WDR11: variants seen among roughly 807,000 people sequenced by gnomAD.
WDR11 encodes the protein WD repeat domain 11, also known as WD repeat-containing protein 11.
In WDR11, 83 loss-of-function variants were observed where a neutral mutation model predicts 151.2. The observed-to-expected ratio is 0.55, with a 90% CI of 0.46 to 0.66. The LOEUF (loss-of-function observed/expected upper bound fraction) is 0.66, where lower values mean the gene tolerates loss of function less well. Ranked by LOEUF, WDR11 falls within the 30% of genes least tolerant of loss-of-function variation. The probability of loss-of-function intolerance (pLI) is 0.00; values close to 1 mark genes in which losing one functional copy is unlikely to be tolerated. For synonymous variants in WDR11, 484 were observed against 533.1 expected (o/e 0.91, Z 1.27); for missense variants, 1,301 against 1,480.9 (o/e 0.88, Z 1.99).
At chr10:120,887,748 T>A (rs1847270473) in intron 16 of WDR11, among the ~76,000 whole-genome samples, 1 of 152,214 alleles carries the variant, frequency 6.6e-6, no homozygotes, top group South Asian at 2.1e-4. Flanking sequence ...CCTCACGACA[T>A]GACAACTGGC....
chr10:120,902,225 T>C, intron 21 of WDR11, 32 bp from the exon 22 acceptor site: 1 of 1,602,164 alleles, frequency 6.2e-7, no homozygotes, highest in South Asian at 1.1e-5. Flanking sequence ...TTGAAAACTT[T>C]TGTCTCACTT....
intron 11 of WDR11, among the ~76,000 whole-genome samples, chr10:120,874,183 T>TTTTTG (rs1846652980): frequency 1.6e-5 from 1 of 61,162 alleles, no homozygotes; most frequent in African/African-American, 5.1e-5. Context: ...GCAGTTTTTT[T>TTTTTG]TTTTTTTTTG....
At chr10:120,862,989 T>C (rs1489560918) in intron 5 of WDR11, 68 bp downstream of exon 5, 1 of 1,028,094 alleles carries the variant, frequency 9.7e-7, no homozygotes, top group African/African-American at 1.6e-5. Flanking sequence ...TTTGGAGATG[T>C]ACAAAGACTG....
Position 120,871,211 on chromosome 10 carries a change from A to G in WDR11, c.1336A>G (p.Ile446Val), listed in dbSNP as rs144853794. ...IAGEEHPRGS[I>V]LREVHLKFLL... ...TGGGGAAGAACATCCCAGAGGTTCA[A>G]TTCTGCGGGAAGTGCACCTCAAGTT... The change falls in exon 10 of 29, where the codon ATT (isoleucine) becomes GTT (valine). Residue 446 changes from isoleucine (I) to valine (V), a missense_variant. Around this residue, in one of 3 missense-constraint regions of WDR11, gnomAD observed 692 missense variants for 762.5 expected, o/e 0.91. Transcript: ENST00000263461. The G allele has an allele frequency of 1.9e-6, 3 of 1,614,082 alleles. No homozygotes were observed. The African/African-American group carries it at 4.0e-5, about 22-fold the overall frequency.
At position 120,895,796 on chromosome 10, in the gene WDR11, T is replaced by C. The variant is rs572815953; in HGVS notation, c.2516-4233T>C. On this transcript the variant is annotated intron_variant, in intron 19 of 28. Coordinates refer to ENST00000263461, the MANE Select transcript of WDR11 (RefSeq NM_018117.12). ...AGAGAAAAATACAAATTAAAATTGT[T>C]TCTTACCTATCAGATTCAAAAGCTT... is the stretch of plus-strand genomic sequence containing the variant. Among the ~76,000 whole-genome samples, 21 of 152,274 alleles carry C rather than the reference T, an allele frequency of 1.4e-4. No homozygotes were observed. In the East Asian group the frequency reaches 3.9e-3, roughly 28 times the overall value.
rs199547310 is a variant in WDR11 at position 120,889,932 on chromosome 10, C to T, written c.2266C>T (p.Arg756Cys). The T allele has an allele frequency of 7.4e-6, 12 of 1,614,016 alleles. No individual in the cohort carries two copies. Among genetic ancestry groups the T allele is most frequent in the East Asian group, 2.2e-5 (1 of 44,874 alleles). ...ACACCGAAGTTGGGTGAGGAAGATT[C>T]GTTTTGCTCCTGGTAAAGGAAATCA... ...PTHRSWVRKI[R>C]FAPGKGNQKL... Residue 756 changes from arginine to cysteine, a missense_variant, in exon 18 of 29, where the codon CGT becomes TGT. Coordinates refer to ENST00000263461, the MANE Select transcript of WDR11 (RefSeq NM_018117.12).
Position 120,909,242 on chromosome 10 carries a change from T to G in WDR11, c.*529T>G, listed in dbSNP as rs546454383. ...ACCTTGAAAACACAGAACCGTTAAT[T>G]CCTTGGTTTAAGCAGTTGCTAAGTT... is the stretch of plus-strand genomic sequence containing the variant. On this transcript the variant is annotated 3_prime_UTR_variant, in exon 29 of 29. Coordinates refer to ENST00000263461, the MANE Select transcript of WDR11 (RefSeq NM_018117.12). The G allele has an allele frequency of 4.4e-4, 69 of 158,558 alleles. No individual in the cohort carries two copies. Among genetic ancestry groups the G allele is most frequent in the Admixed American group, 1.6e-3 (26 of 16,552 alleles). 9.8% of individuals were successfully genotyped at this position (158,558 alleles called of 1,614,324 possible).
intron 9 of WDR11, among the ~76,000 whole-genome samples, chr10:120,870,368 A>G (rs1157954945): frequency 6.6e-6 from 1 of 152,160 alleles, no homozygotes; most frequent in Non-Finnish European, 1.5e-5. Context: ...ATTTTTGGCA[A>G]GTTAATCCCA....
At position 120,892,299 on chromosome 10, in the gene WDR11, A is replaced by AT. The variant is rs577023743; in HGVS notation, c.2515+1421dup. On this transcript the variant is annotated intron_variant, in intron 19 of 28. Coordinates refer to ENST00000263461, the MANE Select transcript of WDR11 (RefSeq NM_018117.12). ...ACATGTTTCTTTTAAAATTTTTCTG[A>AT]TTTTTTTTTATATTCTTTTCAATCT... Among the ~76,000 whole-genome samples, 548 of 151,694 alleles carry AT rather than the reference A, an allele frequency of 3.6e-3. 6 individuals carry two copies. Among genetic ancestry groups the AT allele is most frequent in the Non-Finnish European group, 5.9e-3 (398 of 67,826 alleles).
chr10:120,890,688 G>A (rs753032997), intron 18 of WDR11, 28 bp from the exon 19 acceptor site: 1 of 1,614,020 alleles, frequency 6.2e-7, no homozygotes, highest in East Asian at 2.2e-5. Flanking sequence ...TTTCTGTCTG[G>A]AAGTGATGCC....
intron 5 of WDR11, among the ~76,000 whole-genome samples, chr10:120,863,530 C>A (rs1030984770): frequency 3.3e-5 from 5 of 152,146 alleles, no homozygotes; most frequent in African/African-American, 1.2e-4. Context: ...GTCATTGATA[C>A]ATAGTAATTT....
In WDR11 at chr10:120,852,260, A is replaced by T. The variant is rs7917351; in HGVS notation, c.87-264A>T. 103,021 of 423,394 alleles carry T rather than the reference A, an allele frequency of 0.24. 13,923 individuals carry two copies. Among genetic ancestry groups the T allele is most frequent in the African/African-American group, 0.4 (20,012 of 49,500 alleles). The allele number at this position is 423,394 out of a possible 1,614,324, so 26.2% of individuals were successfully genotyped here. A position where few individuals can be genotyped will look rare whatever the true frequency, so the allele number is the denominator to read the frequency against. ...CCTACAAGAACAGTCAGAGGGCACA[A>T]GTTCCTTTTTATGTCCTCGGGTCTC... On this transcript the variant is annotated intron_variant, in intron 1 of 28. Transcript: ENST00000263461.
At chr10:120,907,813 T>TTG (rs1296186925) in intron 28 of WDR11, 1 of 151,346 alleles carries the variant, frequency 6.6e-6, no homozygotes, top group African/African-American at 2.4e-5. Flanking sequence ...CCTGGCTTTT[T>TTG]TTTTTTTTTG....
intron 19 of WDR11, among the ~76,000 whole-genome samples, chr10:120,895,879 C>T (rs144896608): frequency 6.6e-5 from 10 of 152,288 alleles, no homozygotes; most frequent in African/African-American, 2.2e-4. Context: ...CCATTGCTAA[C>T]AGTAAGATCC....
chr10:120,889,306 C>G, intron 17 of WDR11, 122 bp downstream of exon 17: 1 of 733,106 alleles, frequency 1.4e-6, no homozygotes, highest in South Asian at 1.5e-5. Flanking sequence ...GGTGCAATCT[C>G]GGCTCACTGC....
At chr10:120,861,261 A>G (rs186996255) in intron 4 of WDR11, among the ~76,000 whole-genome samples, 3 of 152,300 alleles carry the variant, frequency 2.0e-5, no homozygotes, top group Non-Finnish European at 4.4e-5. Flanking sequence ...TAAAGGAGGA[A>G]GAGAAAGGCA....
chr10:120,908,441 G>A, intron 28 of WDR11, 115 bp from the exon 29 acceptor site: 1 of 1,097,912 alleles, frequency 9.1e-7, no homozygotes, highest in Non-Finnish European at 1.4e-6. Context: ...GTGGACACCA[G>A]GTCCCTTCCG....
chr10:120,909,191 T>G lies in WDR11; in HGVS notation c.*478T>G, dbSNP rs997239332. 6 of 159,638 alleles carry G rather than the reference T, an allele frequency of 3.8e-5. No homozygotes were observed. The highest frequency in any genetic ancestry group is 6.0e-5 in the Admixed American group (1 of 16,766). The allele number at this position is 159,638 out of a possible 1,614,324, so 9.9% of individuals were successfully genotyped here. On this transcript the variant is annotated 3_prime_UTR_variant, in exon 29 of 29. Coordinates refer to ENST00000263461, the MANE Select transcript of WDR11 (RefSeq NM_018117.12). ...ACATTTAAACTAGTATTAAAGGTAG[T>G]TTACCAAAGCATTTTTTGTTTTCTT...
At chr10:120,854,603 T>C (rs1468453424) in intron 2 of WDR11, among the ~76,000 whole-genome samples, 2 of 152,198 alleles carry the variant, frequency 1.3e-5, no homozygotes, top group East Asian at 3.9e-4. Context: ...CAAATTAACA[T>C]TCTCATTAGT....
Sources: allele counts gnomAD v4.1 joint callset (sites outside exome capture counted in the v4.1 genomes callset), GRCh38; gene constraint gnomAD v4.1.1; regional missense constraint gnomAD v4.1.1; transcripts MANE v1.5; gene names NCBI Gene and HGNC (gene_info 2026-07-23, HGNC 2026-07-21).